Variants in TRPM2 observed in about 807,000 individuals in gnomAD.
The protein encoded by TRPM2 is transient receptor potential cation channel subfamily M member 2.
A neutral mutation model predicts 174.0 loss-of-function variants in TRPM2; 161 were observed. The observed-to-expected ratio is 0.93, with a 90% CI of 0.81 to 1.05. The LOEUF is 1.05. Ranked by LOEUF, TRPM2 falls within the 50% of genes least tolerant of loss-of-function variation. The pLI is 0.00. For synonymous variants in TRPM2, 954 were observed against 861.3 expected (o/e 1.11, Z -1.88); for missense variants, 2,057 against 2,038.0 (o/e 1.01, Z -0.18).
At chr21:44,437,295 T>C (rs2051312123) in intron 29 of TRPM2, 128 bp downstream of exon 29, 2 of 792,608 alleles carry the variant, frequency 2.5e-6, no homozygotes, top group African/African-American at 3.5e-5. Context: ...GCAGGGAGGG[T>C]TCGAGACCCC....
At chr21:44,405,841 G>T in intron 17 of TRPM2, 64 bp from the exon 18 acceptor site, 1 of 1,565,190 alleles carries the variant, frequency 6.4e-7, no homozygotes, top group Non-Finnish European at 8.6e-7. Context: ...GGGCGACGGG[G>T]GACAGCTCTG....
intron 19 of TRPM2, among the ~76,000 whole-genome samples, chr21:44,407,433 C>T (rs922424243): frequency 5.1e-5 from 7 of 136,888 alleles, no homozygotes; most frequent in African/African-American, 1.9e-4. Context: ...CCAGAGAGAA[C>T]ACTTTTCATA....
intron 12 of TRPM2, among the ~76,000 whole-genome samples, chr21:44,397,542 G>A (rs1283760354): frequency 6.6e-6 from 1 of 152,112 alleles, no homozygotes; most frequent in Non-Finnish European, 1.5e-5. Context: ...CACAGGCCAC[G>A]CAGGAGCCTG....
At position 44,435,269 on chromosome 21, in the gene TRPM2, C is replaced by T. The variant is rs1172925100; in HGVS notation, c.4061+52C>T. The T allele has an allele frequency of 4.4e-6, 7 of 1,583,506 alleles. No individual in the cohort carries two copies. In the South Asian group the frequency reaches 7.8e-5, roughly 18 times the overall value. On this transcript the variant is annotated intron_variant, in intron 28 of 31. Transcript: ENST00000397928. ...CACCTCAGCAAGGCGGTCACCCCACCTTCACAAGGGGCGGCTGCCATTGCC... is the reference window on the plus strand; with the variant it reads ...CACCTCAGCAAGGCGGTCACCCCACTTTCACAAGGGGCGGCTGCCATTGCC...
In TRPM2 at chr21:44,395,563, G is replaced by A. The variant is rs745395257; in HGVS notation, c.1932+12G>A. On this transcript the variant is annotated intron_variant, in intron 12 of 31. Coordinates refer to ENST00000397928, the MANE Select transcript of TRPM2 (RefSeq NM_003307.4). ...TCATCTGGGCTCAGGTAATAAGACT[G>A]GCTTCTCAGTCTCAGCAGACACAGC... The A allele has an allele frequency of 2.5e-6, 4 of 1,612,606 alleles. No individual in the cohort carries two copies. The South Asian group carries it at 3.3e-5, about 13-fold the overall frequency.
At chr21:44,381,940 TGATAGATAGATG>T (rs1025276157) in intron 8 of TRPM2, among the ~76,000 whole-genome samples, 1 of 131,200 alleles carries the variant, frequency 7.6e-6, no homozygotes, top group Non-Finnish European at 1.6e-5. Flanking sequence ...TGAATTGATA[TGATAGATAGATG>T]GATAGATAGA....
At chr21:44,356,558 G>T (rs2048070398) in intron 2 of TRPM2, among the ~76,000 whole-genome samples, 2 of 149,946 alleles carry the variant, frequency 1.3e-5, no homozygotes, top group Non-Finnish European at 3.0e-5. Context: ...TTGAGACGGG[G>T]TCTCGCTCTG....
intron 3 of TRPM2, among the ~76,000 whole-genome samples, chr21:44,364,858 G>A (rs1287171471): frequency 6.6e-6 from 1 of 152,198 alleles, no homozygotes; most frequent in African/African-American, 2.4e-5. Flanking sequence ...CCAGGTGCAG[G>A]GTTAGGTTCT....
upstream of TRPM2, among the ~76,000 whole-genome samples, chr21:44,350,888 C>G (rs1329099763): frequency 2.0e-5 from 3 of 152,014 alleles, no homozygotes; most frequent in Admixed American, 6.5e-5. Flanking sequence ...TGCCCCTGCC[C>G]GTCCGCCGGG....
At chr21:44,353,940 G>T in intron 1 of TRPM2, 75 bp downstream of exon 1, 2 of 1,517,980 alleles carry the variant, frequency 1.3e-6, no homozygotes, top group East Asian at 2.6e-5. Flanking sequence ...ATAGCTTGAG[G>T]CTGTGACGAC....
chr21:44,375,759 C>T (rs987956894), intron 5 of TRPM2, 74 bp from the exon 6 acceptor site: 19 of 1,492,710 alleles, frequency 1.3e-5, no homozygotes, highest in African/African-American at 9.7e-5. Flanking sequence ...CTGTGAGGGC[C>T]GGTGTTCAGC....
intron 19 of TRPM2, among the ~76,000 whole-genome samples, chr21:44,407,287 G>A (rs950692484): frequency 1.1e-4 from 16 of 146,548 alleles, no homozygotes; most frequent in Non-Finnish European, 2.2e-4. Context: ...CAACACACCC[G>A]GCTAATTTTT....
At chr21:44,419,054 C>T (rs961937980) in intron 22 of TRPM2, among the ~76,000 whole-genome samples, 1 of 152,224 alleles carries the variant, frequency 6.6e-6, no homozygotes, top group Non-Finnish European at 1.5e-5. Context: ...GTTGGGGGAA[C>T]ATCTGCTCCC....
At chr21:44,398,510 T>A (rs2049505312) in intron 13 of TRPM2, among the ~76,000 whole-genome samples, 1 of 151,022 alleles carries the variant, frequency 6.6e-6, no homozygotes, top group Admixed American at 6.6e-5. Context: ...GAGACTGGGG[T>A]TTTTTAAGGA....
At position 44,438,087 on chromosome 21, in the gene TRPM2, C is replaced by T. The variant is rs1601266713; in HGVS notation, c.4167+920C>T. On this transcript the variant is annotated intron_variant, in intron 29 of 31. Coordinates refer to ENST00000397928, the MANE Select transcript of TRPM2 (RefSeq NM_003307.4). This position sits in a 1 kb window ranked among gnomAD's most constrained non-coding sequence, Gnocchi z 5.9. ...TGCAGGGCAGCAGTGCCACAAGGGC[C>T]TCTGGGCAGGAACGGGGACTCCGGA... Among the ~76,000 whole-genome samples the T allele has an allele frequency of 6.6e-6, 1 of 152,360 alleles. No homozygotes were observed. The highest frequency in any genetic ancestry group is 6.5e-5 in the Admixed American group (1 of 15,304).
chr21:44,425,667 C>T lies in TRPM2; in HGVS notation c.3638-3C>T, dbSNP rs1344683711. ...TGCGTCACGTCTTCCTGACTGTCCC[C>T]AGCCTCCCAGAAGGCCGCGGAGGAG... On this transcript the variant is annotated splice_polypyrimidine_tract_variant and splice_region_variant and intron_variant, in intron 24 of 31. Transcript: ENST00000397928. 45 of 1,507,698 alleles carry T rather than the reference C, an allele frequency of 3.0e-5. No homozygotes were observed. The highest frequency in any genetic ancestry group is 3.9e-5 in the Non-Finnish European group (44 of 1,118,118). The allele number at this position is 1,507,698 out of a possible 1,614,324, so 93.4% of individuals were successfully genotyped here.
At position 44,390,983 on chromosome 21, in the gene TRPM2, C is replaced by T. The variant is rs2049155188; in HGVS notation, c.1398C>T (p.Asp466=). The T allele has an allele frequency of 1.2e-6, 2 of 1,614,104 alleles. No individual in the cohort carries two copies. The highest frequency in any genetic ancestry group is 1.7e-6 in the Non-Finnish European group (2 of 1,180,038). Reference sequence around the variant, plus strand: ...TGGCAGTGGCATGGAATCGCGTGGACATTGCCCGCAGTGAGATCTTCATGG... The same window carrying T: ...TGGCAGTGGCATGGAATCGCGTGGATATTGCCCGCAGTGAGATCTTCATGG... ...LKLAVAWNRV[D]IARSEIFMDE... The change falls in exon 10 of 32, where the codon GAC becomes GAT. Residue 466 remains aspartate (D), a synonymous_variant. Coordinates refer to ENST00000397928, the MANE Select transcript of TRPM2 (RefSeq NM_003307.4).
chr21:44,400,371 G>T lies in TRPM2; in HGVS notation c.2321G>T (p.Arg774Met), dbSNP rs1276163474. 1.2e-6 allele frequency: 2 copies of T among 1,610,204 alleles called. No homozygotes were observed. Among genetic ancestry groups the T allele is most frequent in the Non-Finnish European group, 1.7e-6 (2 of 1,179,438 alleles). The change falls in exon 15 of 32, where the codon AGG (arginine) becomes ATG (methionine). Residue 774 changes from arginine to methionine, a missense_variant and splice_region_variant. By Grantham distance (91) the Arg-to-Met change is moderately conservative. Coordinates refer to ENST00000397928, the MANE Select transcript of TRPM2 (RefSeq NM_003307.4). ...PLLLTGLISF[R>M]EKRLQDVGTP... ...CTCCTCACCGGCCTCATCTCCTTCA[G>T]GTGCTGCAGGGCTGCGGGGCTGCGG...
At chr21:44,388,143 G>A (rs2049066681) in intron 9 of TRPM2, among the ~76,000 whole-genome samples, 1 of 152,170 alleles carries the variant, frequency 6.6e-6, no homozygotes, top group South Asian at 2.1e-4. Context: ...GCTAAAAAGT[G>A]GAAGCAGCCC....
Sources: allele counts gnomAD v4.1 joint callset (sites outside exome capture counted in the v4.1 genomes callset), GRCh38; gene constraint gnomAD v4.1.1; non-coding constraint Gnocchi (gnomAD v3.1); transcripts MANE v1.5; gene names NCBI Gene and HGNC (gene_info 2026-07-23, HGNC 2026-07-21).